The following DOCK7 variants were observed in gnomAD, a reference collection of about 807,000 sequenced individuals.
DOCK7 encodes dedicator of cytokinesis protein 7.
In DOCK7, 138 loss-of-function variants were observed where a neutral mutation model predicts 271.0. That is an observed-to-expected ratio of 0.51 (90% CI 0.44 to 0.59). DOCK7 has a LOEUF of 0.59. Ranked by LOEUF, DOCK7 falls within the 20% of genes least tolerant of loss-of-function variation. The probability of loss-of-function intolerance (pLI) is 0.00; values close to 1 mark genes in which losing one functional copy is unlikely to be tolerated. For missense variants in DOCK7, 2,066 were observed against 2,592.4 expected (o/e 0.80, Z 4.41); for synonymous variants, 823 against 876.1 (o/e 0.94, Z 1.07).
intron 41 of DOCK7, among the ~76,000 whole-genome samples, chr1:62,491,645 C>T (rs573782610): frequency 6.6e-6 from 1 of 152,276 alleles, no homozygotes; most frequent in African/African-American, 2.4e-5. Flanking sequence ...TACTATGCAA[C>T]CAATGGAATG....
Position 62,663,128 on chromosome 1 carries a change from G to T in DOCK7, c.41C>A (p.Thr14Lys). ...RRAFAQKISR[T>K]VAAEVRKQIS... ...CTGCTTCCTAACTTCGGCTGCCACCGTTCTACAATGAAGAAAGCAAAAACA... is the reference window on the plus strand; with the variant it reads ...CTGCTTCCTAACTTCGGCTGCCACCTTTCTACAATGAAGAAAGCAAAAACA... The change falls in exon 2 of 50, where the codon ACG (threonine) becomes AAG (lysine). Residue 14 changes from threonine to lysine, a missense_variant and splice_region_variant. This residue lies in a region of DOCK7 where 1,414 missense variants were observed against 1,670.4 expected (regional missense o/e 0.85). Coordinates refer to ENST00000635253, the MANE Select transcript of DOCK7 (RefSeq NM_001367561.1). 1 of 1,598,384 alleles carries T rather than the reference G, an allele frequency of 6.3e-7. No homozygotes were observed. The highest frequency in any genetic ancestry group is 8.5e-7 in the Non-Finnish European group (1 of 1,171,564).
At chr1:62,604,022 T>C (rs879147342) in intron 14 of DOCK7, 1 of 1,613,110 alleles carries the variant, frequency 6.2e-7, no homozygotes, top group Non-Finnish European at 8.5e-7. Context: ...GCAATCTAAT[T>C]ATGTTTTACG....
chr1:62,613,534 G>A (rs1028218985), intron 14 of DOCK7, among the ~76,000 whole-genome samples: 1 of 152,080 alleles, frequency 6.6e-6, no homozygotes, highest in African/African-American at 2.4e-5. Context: ...ATCTTCAAAA[G>A]AATATTTTTT....
chr1:62,573,494 G>A (rs758338750), intron 18 of DOCK7, among the ~76,000 whole-genome samples: 1 of 152,112 alleles, frequency 6.6e-6, no homozygotes, highest in Non-Finnish European at 1.5e-5. Context: ...TTTCAAAGAG[G>A]TAAGAACTGA....
intron 2 of DOCK7, among the ~76,000 whole-genome samples, chr1:62,656,812 G>A (rs74078661): frequency 0.03 from 4,545 of 151,776 alleles, 164 homozygotes; most frequent in African/African-American, 0.083. Flanking sequence ...CGGGGGGTGG[G>A]GAGCCTATTT....
intron 33 of DOCK7, among the ~76,000 whole-genome samples, chr1:62,512,307 G>T (rs1238971424): frequency 2.0e-5 from 3 of 152,174 alleles, no homozygotes; most frequent in Non-Finnish European, 4.4e-5. Context: ...GAAACTCTTA[G>T]CAACAGTATT....
intron 10 of DOCK7, among the ~76,000 whole-genome samples, chr1:62,632,793 A>C (rs947547958): frequency 1.3e-5 from 2 of 152,088 alleles, no homozygotes; most frequent in African/African-American, 4.8e-5. Flanking sequence ...CCTGACCAAC[A>C]TGGTAAAACC....
chr1:62,508,870 G>A (rs746539612), intron 34 of DOCK7, among the ~76,000 whole-genome samples: 8 of 152,076 alleles, frequency 5.3e-5, no homozygotes, highest in Non-Finnish European at 1.0e-4. Flanking sequence ...TATGAATATA[G>A]TTGAGATTTT....
At chr1:62,646,967 T>G (rs993258019) in intron 7 of DOCK7, among the ~76,000 whole-genome samples, 2 of 152,224 alleles carry the variant, frequency 1.3e-5, no homozygotes, top group African/African-American at 4.8e-5. Context: ...TGTCCTGTTA[T>G]TCAAAAGATT....
Position 62,633,449 on chromosome 1 carries a change from A to G in DOCK7, c.1116+49T>C, listed in dbSNP as rs1047043119. ...GCTATTGGGAGAATAGTATTCTCCCAAGTTACAATAGTAATAATGTGGCGG... is the reference window on the plus strand; with the variant it reads ...GCTATTGGGAGAATAGTATTCTCCCGAGTTACAATAGTAATAATGTGGCGG... On this transcript the variant is annotated intron_variant, in intron 10 of 49. Coordinates refer to ENST00000635253, the MANE Select transcript of DOCK7 (RefSeq NM_001367561.1). 7 of 1,382,998 alleles carry G rather than the reference A, an allele frequency of 5.1e-6. No homozygotes were observed. The Admixed American group carries it at 9.0e-5, about 18-fold the overall frequency. 85.7% of individuals were successfully genotyped at this position (1,382,998 alleles called of 1,614,324 possible).
intron 1 of DOCK7, 58 bp downstream of exon 1, chr1:62,688,169 G>C: frequency 7.5e-7 from 1 of 1,332,040 alleles, no homozygotes; most frequent in Non-Finnish European, 9.7e-7. Context: ...AGGCCTGGGA[G>C]GACTCCGCGG....
chr1:62,679,830 G>C (rs1012211990), intron 1 of DOCK7, among the ~76,000 whole-genome samples: 1 of 152,118 alleles, frequency 6.6e-6, no homozygotes, highest in African/African-American at 2.4e-5. Flanking sequence ...CAACTTACAA[G>C]GGATGTGAAG....
chr1:62,578,987 A>T, intron 16 of DOCK7, 21 bp from the exon 17 acceptor site: 1 of 1,517,232 alleles, frequency 6.6e-7, no homozygotes, highest in East Asian at 2.4e-5. Context: ...AAAAAAAAAA[A>T]AATCAACAGT....
intron 18 of DOCK7, among the ~76,000 whole-genome samples, chr1:62,562,067 CTG>C (rs1646341545): frequency 6.6e-6 from 1 of 151,180 alleles, no homozygotes; most frequent in Non-Finnish European, 1.5e-5. Context: ...ATTTTGAAAT[CTG>C]TTTTTCATTT....
chr1:62,586,874 C>G (rs1467003267), intron 14 of DOCK7, among the ~76,000 whole-genome samples: 1 of 151,966 alleles, frequency 6.6e-6, no homozygotes, highest in Non-Finnish European at 1.5e-5. Flanking sequence ...TTGCATATAA[C>G]CAAGTGAGTG....
chr1:62,603,600 G>C (rs1302005996), intron 14 of DOCK7, among the ~76,000 whole-genome samples: 1 of 151,654 alleles, frequency 6.6e-6, no homozygotes, highest in Non-Finnish European at 1.5e-5. Flanking sequence ...GACTGTATAT[G>C]GATGTTAATA....
intron 29 of DOCK7, among the ~76,000 whole-genome samples, chr1:62,532,902 T>C (rs1418112420): frequency 6.6e-6 from 1 of 152,160 alleles, no homozygotes; most frequent in African/African-American, 2.4e-5. Context: ...AAGAGCCAGA[T>C]ACACAGGGCC....
intron 7 of DOCK7, among the ~76,000 whole-genome samples, chr1:62,645,899 G>A (rs1479786482): frequency 6.6e-6 from 1 of 152,112 alleles, no homozygotes; most frequent in African/African-American, 2.4e-5. Context: ...TGTAATCCCA[G>A]CACTTTGGGA....
Position 62,648,204 on chromosome 1 carries a change from C to G in DOCK7, c.634G>C (p.Asp212His). Residue 212 changes from aspartate to histidine, a missense_variant, in exon 6 of 50, where the codon GAT becomes CAT. By Grantham distance (81) the Asp-to-His change is moderately conservative. This residue lies in a region of DOCK7 where 1,414 missense variants were observed against 1,670.4 expected (regional missense o/e 0.85). Transcript: ENST00000635253. ...TCTATTTCTTCATTTGGAGTTCGAT[C>G]AAGTAAATTGGGAAGCAAAGCATCA... The part of the protein sequence containing the change: ...LPDALLPNLL[D>H]RTPNEEIDRQ... The G allele has an allele frequency of 6.2e-7, 1 of 1,613,558 alleles. No individual in the cohort carries two copies. Among genetic ancestry groups the G allele is most frequent in the Non-Finnish European group, 8.5e-7 (1 of 1,179,740 alleles).
Sources: gnomAD v4.1 joint callset for allele counts (sites outside exome capture counted in the v4.1 genomes callset) on GRCh38, gnomAD v4.1.1 for gene constraint, gnomAD v4.1.1 regional missense constraint, MANE v1.5 for transcripts, NCBI Gene and HGNC (gene_info 2026-07-23, HGNC 2026-07-21) for gene names.